The following SLIT2 variants were observed in gnomAD, a reference collection of about 807,000 sequenced individuals.
SLIT2 encodes the protein slit homolog 2 protein.
In SLIT2, 41 loss-of-function variants were observed where a neutral mutation model predicts 185.7. That is an observed-to-expected ratio of 0.22 (90% CI 0.17 to 0.29). SLIT2 has a LOEUF of 0.29. SLIT2 is among the 10% of genes least tolerant of loss of function. The probability of loss-of-function intolerance (pLI) is 1.00; values close to 1 mark genes in which losing one functional copy is unlikely to be tolerated. For missense variants in SLIT2, 1,571 were observed against 1,909.0 expected (o/e 0.82, Z 3.30); for synonymous variants, 693 against 680.2 (o/e 1.02, Z -0.29).
intron 4 of SLIT2, among the ~76,000 whole-genome samples, chr4:20,386,180 G>A (rs1474730166): frequency 1.3e-5 from 2 of 152,134 alleles, no homozygotes; most frequent in Non-Finnish European, 2.9e-5. Context: ...CTTTTTGCAT[G>A]TAATTGTATT....
rs1019970816 is a variant in SLIT2, at chr4:20,618,814, G to A, written c.4395G>A (p.Gln1465=). The A allele has an allele frequency of 1.2e-6, 2 of 1,611,406 alleles. No homozygotes were observed. Among genetic ancestry groups the A allele is most frequent in the African/African-American group, 1.3e-5 (1 of 74,880 alleles). Residue 1465 remains glutamine (Q), a synonymous_variant, in exon 37 of 37, where the codon CAG becomes CAA. Coordinates refer to ENST00000504154, the MANE Select transcript of SLIT2 (RefSeq NM_004787.4). ...GGATAAGAGATTATTACCAAAAGCA[G>A]CAGGGCTATGCTGCTTGCCAAACAA... ...GERIRDYYQK[Q]QGYAACQTTK...
At chr4:20,407,422 A>G (rs1726860851) in intron 4 of SLIT2, among the ~76,000 whole-genome samples, 1 of 152,242 alleles carries the variant, frequency 6.6e-6, no homozygotes, top group African/African-American at 2.4e-5. Context: ...GAACAAAACT[A>G]GACTAACAAA....
chr4:20,508,369 A>G (rs1350881065), intron 9 of SLIT2, among the ~76,000 whole-genome samples: 2 of 152,100 alleles, frequency 1.3e-5, no homozygotes, highest in Non-Finnish European at 2.9e-5. Context: ...AGCATTGTTA[A>G]TATCAATACT....
intron 34 of SLIT2, 78 bp downstream of exon 34, chr4:20,610,245 C>A: frequency 8.0e-7 from 1 of 1,250,118 alleles, no homozygotes; most frequent in Non-Finnish European, 1.1e-6. Flanking sequence ...TTTGTTAATG[C>A]CTAATATATC....
At chr4:20,340,822 T>A (rs1720901734) in intron 4 of SLIT2, among the ~76,000 whole-genome samples, 1 of 152,130 alleles carries the variant, frequency 6.6e-6, no homozygotes, top group South Asian at 2.1e-4. Flanking sequence ...AGGATGGTCT[T>A]GATCTCCTGA....
intron 11 of SLIT2, among the ~76,000 whole-genome samples, chr4:20,518,102 C>CAT (rs1251356100): frequency 2.3e-5 from 3 of 130,710 alleles, no homozygotes; most frequent in East Asian, 4.3e-4. Flanking sequence ...TATACACACA[C>CAT]ATATATATAC....
At chr4:20,309,765 T>C (rs943781232) in intron 4 of SLIT2, among the ~76,000 whole-genome samples, 1 of 145,696 alleles carries the variant, frequency 6.9e-6, no homozygotes, top group African/African-American at 2.5e-5. Context: ...TTTCTTTTTT[T>C]TTTTTTTTTT....
chr4:20,599,806 T>C (rs1277997056), intron 33 of SLIT2, among the ~76,000 whole-genome samples: 2 of 152,216 alleles, frequency 1.3e-5, no homozygotes, highest in Non-Finnish European at 2.9e-5. Context: ...TAGGCATTGA[T>C]TATGACATAA....
chr4:20,491,562 C>A (rs1170560906), intron 8 of SLIT2, among the ~76,000 whole-genome samples, 199 bp from the exon 9 acceptor site: 1 of 152,092 alleles, frequency 6.6e-6, no homozygotes, highest in African/African-American at 2.4e-5. Context: ...TCATTTACTT[C>A]CTCTCATTTG....
At chr4:20,290,592 A>T (rs1191031564) in intron 4 of SLIT2, among the ~76,000 whole-genome samples, 1 of 152,080 alleles carries the variant, frequency 6.6e-6, no homozygotes, top group Non-Finnish European at 1.5e-5. Flanking sequence ...ATATGTGTGT[A>T]TTTGTGTGAT....
At chr4:20,473,990 C>T (rs1332023342) in intron 5 of SLIT2, among the ~76,000 whole-genome samples, 1 of 151,860 alleles carries the variant, frequency 6.6e-6, no homozygotes, top group East Asian at 1.9e-4. Context: ...ATGTCCGTGC[C>T]CCTAGCTCTT....
At chr4:20,490,856 G>A in intron 8 of SLIT2, 1 of 1,457,876 alleles carries the variant, frequency 6.9e-7, no homozygotes. Flanking sequence ...TATTTTTGTA[G>A]TTTAAGAGCT....
rs1711622968 is a variant in SLIT2 at position 20,254,914 on chromosome 4, C to T, written c.179+920C>T. ...CGTTGCTCGCAGACGTCCCCGCCTC[C>T]CTGTCTTTGCGAGTCTCTAATGAAG... On this transcript the variant is annotated intron_variant, in intron 1 of 36. Transcript: ENST00000504154. The surrounding 1 kb of genome is among the most constrained non-coding windows in gnomAD (Gnocchi z 5.1). 1 of 456,196 alleles carries T rather than the reference C, an allele frequency of 2.2e-6. No homozygotes were observed. The highest frequency in any genetic ancestry group is 4.4e-6 in the Non-Finnish European group (1 of 226,970). 28.3% of individuals were successfully genotyped at this position (456,196 alleles called of 1,614,324 possible). A position where few individuals can be genotyped will look rare whatever the true frequency, so the allele number is the denominator to read the frequency against.
At chr4:20,493,490 T>C (rs1303809801) in intron 9 of SLIT2, among the ~76,000 whole-genome samples, 1 of 152,248 alleles carries the variant, frequency 6.6e-6, no homozygotes, top group Non-Finnish European at 1.5e-5. Context: ...GACATGCAAA[T>C]TGAAAACTAT....
chr4:20,320,228 T>C (rs910750334), intron 4 of SLIT2, among the ~76,000 whole-genome samples: 1 of 152,212 alleles, frequency 6.6e-6, no homozygotes, highest in African/African-American at 2.4e-5. Flanking sequence ...TACCAACTGC[T>C]ATATTCCCAG....
chr4:20,617,353 A>G (rs950809369), intron 35 of SLIT2, 86 bp from the exon 36 acceptor site: 49 of 1,424,910 alleles, frequency 3.4e-5, no homozygotes, highest in Non-Finnish European at 4.1e-5. Flanking sequence ...TATTTTCTCA[A>G]TCATCCTCCA....
chr4:20,486,325 T>A, intron 7 of SLIT2, 54 bp downstream of exon 7: 1 of 1,023,404 alleles, frequency 9.8e-7, no homozygotes, highest in Non-Finnish European at 1.5e-6. Flanking sequence ...AGCTTCCCCT[T>A]AAATAGCATG....
At chr4:20,303,610 G>A (rs1266777269) in intron 4 of SLIT2, among the ~76,000 whole-genome samples, 1 of 152,132 alleles carries the variant, frequency 6.6e-6, no homozygotes, top group Non-Finnish European at 1.5e-5. Context: ...TGAGCATGGT[G>A]GTCTTGAGGA....
Position 20,472,502 on chromosome 4 carries a change from CTATATATAGATAGATATATATCTA to C in SLIT2, c.467+4686_467+4709del, listed in dbSNP as rs1577725784. Among the ~76,000 whole-genome samples the C allele has an allele frequency of 1.9e-4, 2 of 10,278 alleles. 1 individual carries two copies. Among genetic ancestry groups the C allele is most frequent in the East Asian group, 0.015 (2 of 130 alleles). The allele number at this position is 10,278 out of a possible 152,430, so 6.7% of individuals were successfully genotyped here. On this transcript the variant is annotated intron_variant, in intron 5 of 36. Transcript: ENST00000504154. ...TATATATCTATATATAGATATATAT[CTATATATAGATAGATATATATCTA>C]TATATAGATATATCTATATCTATAT... is the stretch of plus-strand genomic sequence containing the variant.
Sources: gnomAD v4.1 joint callset for allele counts (sites outside exome capture counted in the v4.1 genomes callset) on GRCh38, gnomAD v4.1.1 for gene constraint, Gnocchi (gnomAD v3.1) non-coding constraint, MANE v1.5 for transcripts, NCBI Gene and HGNC (gene_info 2026-07-23, HGNC 2026-07-21) for gene names.